STAT5A: variants seen among roughly 807,000 people sequenced by gnomAD.
The protein encoded by STAT5A is epididymis secretory sperm binding protein.
A neutral mutation model predicts 100.2 loss-of-function variants in STAT5A; 26 were observed. The ratio of observed to expected loss-of-function variants is 0.26; its 90% CI spans 0.19 to 0.36. The LOEUF (loss-of-function observed/expected upper bound fraction) is 0.36. Among genes scored for constraint, STAT5A ranks in the 10% least tolerant of loss-of-function variants. The pLI is 1.00. For synonymous variants in STAT5A, 330 were observed against 424.3 expected, an observed-to-expected ratio of 0.78 and a Z score of 2.73; for missense variants, 634 against 1,027.5, an observed-to-expected ratio of 0.62 and a Z score of 5.24.
chr17:42,306,282 G>A lies in STAT5A; in HGVS notation c.1515G>A (p.Pro505=), dbSNP rs141500114. 1.2e-4 allele frequency: 196 copies of A among 1,613,998 alleles called. 2 individuals carry two copies. The highest frequency in any genetic ancestry group is 2.0e-4 in the East Asian group (9 of 44,880). ...PFAVPDKVLW[P]QLCEALNMKF... is the part of the protein sequence containing the mutation. ...CCGTGCCTGACAAAGTGCTGTGGCCGCAGCTGTGTGAGGCGCTCAACATGA... is the reference window on the plus strand; with the variant it reads ...CCGTGCCTGACAAAGTGCTGTGGCCACAGCTGTGTGAGGCGCTCAACATGA... Residue 505 remains proline (P), a synonymous_variant, in exon 13 of 19, where the codon CCG becomes CCA. Transcript: ENST00000590949.
intron 9 of STAT5A, among the ~76,000 whole-genome samples, chr17:42,301,951 T>C (rs1190840397): frequency 6.6e-6 from 1 of 152,132 alleles, no homozygotes; most frequent in Admixed American, 6.5e-5. Context: ...GGAGGATCAC[T>C]TGAGCCCAAA....
chr17:42,289,618 G>C, intron 2 of STAT5A, 79 bp downstream of exon 2: 1 of 1,550,090 alleles, frequency 6.5e-7, no homozygotes, highest in South Asian at 1.2e-5. Context: ...ACTCATGGTG[G>C]TTTGGTGTGA....
chr17:42,295,279 G>A (rs935709066), intron 4 of STAT5A, among the ~76,000 whole-genome samples: 2 of 152,130 alleles, frequency 1.3e-5, no homozygotes, highest in African/African-American at 4.8e-5. Context: ...GGTGACACCT[G>A]GGACGTGTTG....
chr17:42,309,738 C>T (rs1177656293), intron 18 of STAT5A: 4 of 415,066 alleles, frequency 9.6e-6, no homozygotes, highest in East Asian at 4.1e-5. Flanking sequence ...ATGTGTAAAA[C>T]GGAGGCAAGA....
At chr17:42,296,002 G>A (rs1047017674) in intron 5 of STAT5A, among the ~76,000 whole-genome samples, 3 of 152,212 alleles carry the variant, frequency 2.0e-5, no homozygotes, top group African/African-American at 7.2e-5. Context: ...AGCCTATGAA[G>A]TGAACAGTTG....
At chr17:42,302,057 T>C (rs1335151850) in intron 9 of STAT5A, among the ~76,000 whole-genome samples, 1 of 152,186 alleles carries the variant, frequency 6.6e-6, no homozygotes, top group Non-Finnish European at 1.5e-5. Context: ...TCCCAGCTAC[T>C]CGGGAAGCTG....
chr17:42,303,024 G>A (rs1175598101), intron 9 of STAT5A, among the ~76,000 whole-genome samples: 2 of 149,478 alleles, frequency 1.3e-5, no homozygotes, highest in Non-Finnish European at 3.0e-5. Flanking sequence ...CAAGCGGGCG[G>A]ATCATGAGGT....
rs1322676224 is a variant in STAT5A, at chr17:42,304,778, T to C, written c.1380+126T>C. On this transcript the variant is annotated intron_variant, in intron 11 of 18. Coordinates refer to ENST00000590949, the MANE Select transcript of STAT5A (RefSeq NM_001288718.2). This position sits in a 1 kb window ranked among gnomAD's most constrained non-coding sequence, Gnocchi z 4.8. ...TTTGACTCTGTGGGTCCCTGTTTGA[T>C]AGGTTATAATCTGGGACTAACCCAG... 1.4e-6 allele frequency: 2 copies of C among 1,458,164 alleles called. No homozygotes were observed. The highest frequency in any genetic ancestry group is 2.8e-5 in the African/African-American group (2 of 71,036). The allele number at this position is 1,458,164 out of a possible 1,614,324, so 90.3% of individuals were successfully genotyped here.
At chr17:42,294,838 A>G (rs576126324) in intron 4 of STAT5A, among the ~76,000 whole-genome samples, 1 of 151,860 alleles carries the variant, frequency 6.6e-6, no homozygotes, top group Non-Finnish European at 1.5e-5. Flanking sequence ...GCCTCTGAGG[A>G]CTTGTTCCTC....
rs548831274 is a variant in STAT5A at position 42,292,830 on chromosome 17, A to G, written c.375+769A>G. 9.2e-5 allele frequency among the ~76,000 whole-genome samples: 14 copies of G among 151,370 alleles called. No individual in the cohort carries two copies. The East Asian group carries it at 2.7e-3, about 30-fold the overall frequency. ...TTTTTAGTAGAGACGTGGTTTCACT[A>G]TGTTGGCCAGGCTGGTCTTGAACTC... is the stretch of plus-strand genomic sequence containing the variant. On this transcript the variant is annotated intron_variant, in intron 4 of 18. Coordinates refer to ENST00000590949, the MANE Select transcript of STAT5A (RefSeq NM_001288718.2).
In STAT5A at chr17:42,304,724, C is replaced by T; in HGVS notation, c.1380+72C>T. On this transcript the variant is annotated intron_variant, in intron 11 of 18. Coordinates refer to ENST00000590949, the MANE Select transcript of STAT5A (RefSeq NM_001288718.2). The surrounding 1 kb of genome is among the most constrained non-coding windows in gnomAD (Gnocchi z 4.8). ...AGGTGGAGGGGCCTGCCTCAGGACT[C>T]CTGGCAGCAATGCCATCGGACAGCC... is the stretch of plus-strand genomic sequence containing the variant. 1.3e-6 allele frequency: 2 copies of T among 1,593,310 alleles called. No individual in the cohort carries two copies. The highest frequency in any genetic ancestry group is 1.7e-6 in the Non-Finnish European group (2 of 1,169,208).
At position 42,311,265 on chromosome 17, in the gene STAT5A, T is replaced by C; in HGVS notation, c.*596T>C. The stretch of plus-strand genomic sequence containing the variant: ...TGGACTCCAGACTCTCTGTGAACCC[T>C]ATGAGAGCGCGTCTGGGCCCGGCCA... On this transcript the variant is annotated 3_prime_UTR_variant, in exon 19 of 19. Coordinates refer to ENST00000590949, the MANE Select transcript of STAT5A (RefSeq NM_001288718.2). 1 of 156,758 alleles carries C rather than the reference T, an allele frequency of 6.4e-6. No individual in the cohort carries two copies. The highest frequency in any genetic ancestry group is 6.1e-5 in the Admixed American group (1 of 16,410). 9.7% of individuals were successfully genotyped at this position (156,758 alleles called of 1,614,324 possible).
At position 42,308,366 on chromosome 17, in the gene STAT5A, T is replaced by TC. The variant is rs1567694756; in HGVS notation, c.2062+38dup. 2 of 1,613,436 alleles carry TC rather than the reference T, an allele frequency of 1.2e-6. No individual in the cohort carries two copies. The highest frequency in any genetic ancestry group is 1.7e-6 in the Non-Finnish European group (2 of 1,179,834). ...CTGCCCCAGGACCCTGCCGGCTGAC[T>TC]CCCCCGGGCTCTTCCCCAGCCCATA... On this transcript the variant is annotated intron_variant, in intron 16 of 18. Transcript: ENST00000590949. The surrounding 1 kb of genome is among the most constrained non-coding windows in gnomAD (Gnocchi z 4.6).
rs575936236 is a variant in STAT5A at position 42,289,141 on chromosome 17, G to T, written c.-10-261G>T. 4 of 366,894 alleles carry T rather than the reference G, an allele frequency of 1.1e-5. No homozygotes were observed. The South Asian group carries it at 2.5e-4, about 23-fold the overall frequency. 22.7% of individuals were successfully genotyped at this position (366,894 alleles called of 1,614,324 possible). On this transcript the variant is annotated intron_variant, in intron 1 of 18. Transcript: ENST00000590949. ...TCCCCCTCACTAGGGAAGCTCCGGT[G>T]GGGCGAGGGGAGAGGAAGACGGGGA...
intron 5 of STAT5A, 80 bp downstream of exon 5, chr17:42,295,873 G>C (rs1416988055): frequency 6.4e-6 from 10 of 1,559,292 alleles, no homozygotes; most frequent in Non-Finnish European, 8.7e-6. Flanking sequence ...GTAGAGCTGG[G>C]TCAGTGTCCA....
At chr17:42,301,541 G>A in intron 9 of STAT5A, 87 bp downstream of exon 9, 2 of 1,550,592 alleles carry the variant, frequency 1.3e-6, no homozygotes, top group Admixed American at 3.8e-5. Context: ...GCTATGTCTT[G>A]TCCCCTAGTT....
chr17:42,291,929 G>A (rs772072093), intron 3 of STAT5A, 43 bp from the exon 4 acceptor site: 2 of 1,604,706 alleles, frequency 1.2e-6, no homozygotes, highest in South Asian at 1.1e-5. Flanking sequence ...TGGCATGGCT[G>A]GAGCAGAGGA....
intron 13 of STAT5A, among the ~76,000 whole-genome samples, chr17:42,307,131 T>C (rs2081036722): frequency 6.6e-6 from 1 of 152,188 alleles, no homozygotes; most frequent in African/African-American, 2.4e-5. Context: ...GGAATGACTT[T>C]GGAGGCCCCA....
Position 42,304,509 on chromosome 17 carries a change from C to A in STAT5A, c.1258-21C>A. 6.2e-7 allele frequency: 1 copy of A among 1,614,196 alleles called. No homozygotes were observed. The highest frequency in any genetic ancestry group is 1.1e-5 in the South Asian group (1 of 91,076). ...AAGCAGCCGCCATCTCCCTGTTCCC[C>A]TGTCACCTCCCACCCTGCAGTCACT... is the stretch of plus-strand genomic sequence containing the variant. On this transcript the variant is annotated intron_variant, in intron 10 of 18. Coordinates refer to ENST00000590949, the MANE Select transcript of STAT5A (RefSeq NM_001288718.2). This position sits in a 1 kb window ranked among gnomAD's most constrained non-coding sequence, Gnocchi z 4.8.
Sources: allele counts gnomAD v4.1 joint callset (sites outside exome capture counted in the v4.1 genomes callset), GRCh38; gene constraint gnomAD v4.1.1; non-coding constraint Gnocchi (gnomAD v3.1); transcripts MANE v1.5; gene names NCBI Gene and HGNC (gene_info 2026-07-23, HGNC 2026-07-21).